The following MTHFD1L variants were observed in gnomAD, a reference collection of about 807,000 sequenced individuals.
MTHFD1L encodes monofunctional C1-tetrahydrofolate synthase, mitochondrial.
Under a neutral mutation model 119.5 loss-of-function variants are expected in MTHFD1L, and 81 were observed. That is an observed-to-expected ratio of 0.68 (90% CI 0.57 to 0.82). MTHFD1L has a LOEUF of 0.82. Among genes scored for constraint, MTHFD1L ranks in the 40% least tolerant of loss-of-function variants. The pLI is 0.00. For missense variants in MTHFD1L, 1,125 were observed against 1,253.4 expected (o/e 0.90, Z 1.55); for synonymous variants, 430 against 475.2 (o/e 0.90, Z 1.24).
intron 16 of MTHFD1L, among the ~76,000 whole-genome samples, chr6:150,949,560 T>C (rs1794554246): frequency 6.6e-6 from 1 of 152,202 alleles, no homozygotes; most frequent in African/African-American, 2.4e-5. Context: ...GGCAGCTCTC[T>C]GTGTGTTTCC....
At chr6:151,061,539 C>T (rs1790639174) in intron 26 of MTHFD1L, among the ~76,000 whole-genome samples, 1 of 152,226 alleles carries the variant, frequency 6.6e-6, no homozygotes, top group Non-Finnish European at 1.5e-5. Context: ...AGTTCTCAGA[C>T]TCAGGCCTGC....
At chr6:150,992,066 A>G (rs79240111) in intron 20 of MTHFD1L, among the ~76,000 whole-genome samples, 202 of 152,328 alleles carry the variant, frequency 1.3e-3, no homozygotes, top group African/African-American at 4.6e-3. Context: ...CTGTACTTTA[A>G]GATACTGTTT....
At position 150,966,897 on chromosome 6, in the gene MTHFD1L, G is replaced by A. The variant is rs531777461; in HGVS notation, c.2013+1860G>A. On this transcript the variant is annotated intron_variant, in intron 19 of 27. Transcript: ENST00000367321. ...CCCAGTGAGGATGCAGACTGCAGGT[G>A]TCCCCTGAGCTGAGGAAGGGAGGAC... is the stretch of plus-strand genomic sequence containing the variant. Among the ~76,000 whole-genome samples, 20 of 152,326 alleles carry A rather than the reference G, an allele frequency of 1.3e-4. 1 individual carries two copies. The highest frequency in any genetic ancestry group is 9.1e-4 in the Admixed American group (14 of 15,308).
At chr6:151,022,161 C>T (rs1216095484) in intron 24 of MTHFD1L, 1 of 415,676 alleles carries the variant, frequency 2.4e-6, no homozygotes, top group East Asian at 7.5e-5. Flanking sequence ...AGGGGTGTTT[C>T]CTCCTCTGCT....
rs1349606732 is a variant in MTHFD1L at position 150,938,649 on chromosome 6, GCAGC to G, written c.1394-49_1394-46del. The G allele has an allele frequency of 1.9e-6, 3 of 1,583,296 alleles. No homozygotes were observed. In the African/African-American group the frequency reaches 4.0e-5, roughly 21 times the overall value. ...TGTCCCTTGGCCTGTGTCCATCGTG[GCAGC>G]TGTACTTGGTGACCCGTTTGAAATG... On this transcript the variant is annotated intron_variant, in intron 12 of 27. Transcript: ENST00000367321.
intron 20 of MTHFD1L, among the ~76,000 whole-genome samples, chr6:150,999,979 C>T (rs1780380169): frequency 1.3e-5 from 2 of 152,178 alleles, no homozygotes; most frequent in African/African-American, 4.8e-5. Context: ...CCAATCTTCC[C>T]CTAATGTGTA....
At chr6:150,871,477 G>T (rs1010855677) in intron 1 of MTHFD1L, among the ~76,000 whole-genome samples, 1 of 145,764 alleles carries the variant, frequency 6.9e-6, no homozygotes, top group African/African-American at 2.5e-5. Flanking sequence ...CCAAGTACTT[G>T]ATATCAACTA....
intron 20 of MTHFD1L, among the ~76,000 whole-genome samples, chr6:151,004,364 G>T (rs561047012): frequency 2.0e-4 from 31 of 152,128 alleles, no homozygotes; most frequent in Admixed American, 3.9e-4. Context: ...TATCGCTGCA[G>T]CTTTCTTTAA....
chr6:150,976,482 A>G (rs192142500), intron 20 of MTHFD1L, among the ~76,000 whole-genome samples: 79 of 152,332 alleles, frequency 5.2e-4, no homozygotes, highest in African/African-American at 1.9e-3. Flanking sequence ...TCATTTCAAC[A>G]TCCTTCTACA....
At chr6:150,922,118 A>G (rs1349451816) in intron 9 of MTHFD1L, 87 bp from the exon 10 acceptor site, 4 of 947,564 alleles carry the variant, frequency 4.2e-6, no homozygotes, top group Middle Eastern at 2.2e-4. Context: ...GTTTTGTAAC[A>G]TCCACAAACA....
intron 7 of MTHFD1L, among the ~76,000 whole-genome samples, chr6:150,889,463 T>C (rs1217833656): frequency 1.3e-5 from 2 of 152,188 alleles, no homozygotes; most frequent in African/African-American, 4.8e-5. Context: ...AACCCCAAAG[T>C]TTTTCTTTCT....
chr6:150,877,361 A>AT (rs1323641199), intron 2 of MTHFD1L, among the ~76,000 whole-genome samples: 1 of 152,128 alleles, frequency 6.6e-6, no homozygotes, highest in African/African-American at 2.4e-5. Context: ...CGGTGTCCTC[A>AT]TTTTTAGAGA....
intron 20 of MTHFD1L, among the ~76,000 whole-genome samples, chr6:150,995,213 T>C (rs919983902): frequency 6.6e-6 from 1 of 152,058 alleles, no homozygotes; most frequent in African/African-American, 2.4e-5. Context: ...TTACTTTTTG[T>C]CCTGTAAAAT....
intron 20 of MTHFD1L, among the ~76,000 whole-genome samples, chr6:150,978,769 G>C (rs939471558): frequency 2.0e-5 from 3 of 152,146 alleles, no homozygotes; most frequent in Non-Finnish European, 2.9e-5. Context: ...TCATCTTACA[G>C]ATGATGTAAC....
chr6:150,890,781 G>A (rs928210579), intron 7 of MTHFD1L, among the ~76,000 whole-genome samples: 2 of 152,198 alleles, frequency 1.3e-5, no homozygotes, highest in African/African-American at 2.4e-5. Flanking sequence ...TAACTTGGAA[G>A]AGAGCCAAGC....
chr6:150,959,948 T>G (rs1467314974), intron 17 of MTHFD1L, among the ~76,000 whole-genome samples: 1 of 152,150 alleles, frequency 6.6e-6, no homozygotes, highest in Non-Finnish European at 1.5e-5. Flanking sequence ...ATGACATTAG[T>G]AATCAATTAA....
At chr6:151,021,631 T>G (rs1378148645) in intron 24 of MTHFD1L, among the ~76,000 whole-genome samples, 1 of 152,192 alleles carries the variant, frequency 6.6e-6, no homozygotes, top group Non-Finnish European at 1.5e-5. Context: ...GTGGGCCTCC[T>G]GAATTCACCT....
chr6:150,946,008 T>A (rs9371204), intron 15 of MTHFD1L, among the ~76,000 whole-genome samples: 43,514 of 151,702 alleles, frequency 0.29, 7,109 homozygotes, highest in East Asian at 0.46. Flanking sequence ...AGCCCATCTC[T>A]TAAAAAAAAA....
chr6:151,021,750 G>A (rs1337507041), intron 24 of MTHFD1L, among the ~76,000 whole-genome samples: 1 of 152,192 alleles, frequency 6.6e-6, no homozygotes, highest in Non-Finnish European at 1.5e-5. Flanking sequence ...AAGCACTACT[G>A]AACTAAACCA....
Sources: gnomAD v4.1 joint callset for allele counts (sites outside exome capture counted in the v4.1 genomes callset) on GRCh38, gnomAD v4.1.1 for gene constraint, MANE v1.5 for transcripts, NCBI Gene and HGNC (gene_info 2026-07-23, HGNC 2026-07-21) for gene names.